The following TMEM108 variants were observed in gnomAD, a reference collection of about 807,000 sequenced individuals.
TMEM108 encodes the protein cancer/testis antigen 124.
Under a neutral mutation model 35.1 loss-of-function variants are expected in TMEM108, and 12 were observed. That is an observed-to-expected ratio of 0.34 (90% confidence interval 0.22 to 0.55). The LOEUF is 0.55. TMEM108 is among the 20% of genes least tolerant of loss of function. TMEM108 has a pLI of 0.89. For synonymous variants in TMEM108, 287 were observed against 308.6 expected (o/e 0.93, Z 0.73); for missense variants, 680 against 753.3 (o/e 0.90, Z 1.14).
intron 2 of TMEM108, among the ~76,000 whole-genome samples, chr3:133,061,362 C>T (rs1475784686): frequency 6.6e-6 from 1 of 152,086 alleles, no homozygotes; most frequent in Admixed American, 6.5e-5. Context: ...AGGCGCCCGC[C>T]ACCACACCCA....
chr3:133,135,362 ACTAACT>A (rs1321538788), intron 2 of TMEM108, among the ~76,000 whole-genome samples: 3 of 152,188 alleles, frequency 2.0e-5, no homozygotes, highest in East Asian at 3.8e-4. Flanking sequence ...GAGAGGGGAG[ACTAACT>A]CTAGAGAGTG....
At chr3:133,074,601 T>C (rs140141534) in intron 2 of TMEM108, among the ~76,000 whole-genome samples, 2,541 of 152,318 alleles carry the variant, frequency 0.017, 83 homozygotes, top group African/African-American at 0.058. Flanking sequence ...GCGATTCTCC[T>C]GCCTCAGCCT....
At chr3:133,144,290 A>C (rs969492046) in intron 2 of TMEM108, among the ~76,000 whole-genome samples, 2 of 152,264 alleles carry the variant, frequency 1.3e-5, no homozygotes, top group South Asian at 4.2e-4. Flanking sequence ...TGTCCCTGCA[A>C]AGGACATGAA....
chr3:133,231,546 C>T (rs1946153308), intron 3 of TMEM108, among the ~76,000 whole-genome samples: 1 of 152,068 alleles, frequency 6.6e-6, no homozygotes, highest in African/African-American at 2.4e-5. Context: ...CAGTATGAGG[C>T]TTGGGCAAGG....
intron 3 of TMEM108, among the ~76,000 whole-genome samples, chr3:133,265,370 A>G (rs1219027655): frequency 6.6e-6 from 1 of 152,172 alleles, no homozygotes. Context: ...GGTAGGCAGA[A>G]CACATACTTT....
At position 133,284,906 on chromosome 3, in the gene TMEM108, A is replaced by G. The variant is rs559267529; in HGVS notation, c.40+55555A>G. On this transcript the variant is annotated intron_variant, in intron 3 of 5. Coordinates refer to ENST00000321871, the MANE Select transcript of TMEM108 (RefSeq NM_023943.4). ...TGAATCACTACCTAAGGCTTATTCC[A>G]TGTTTCAAGTTTTTTGTTTTTTGTT... 2.4e-4 allele frequency among the ~76,000 whole-genome samples: 37 copies of G among 151,858 alleles called. No homozygotes were observed. The South Asian group carries it at 7.5e-3, about 31-fold the overall frequency.
At chr3:133,369,317 C>T (rs568659138) in intron 3 of TMEM108, among the ~76,000 whole-genome samples, 2 of 152,250 alleles carry the variant, frequency 1.3e-5, no homozygotes, top group African/African-American at 2.4e-5. Flanking sequence ...ACATCATCAC[C>T]GAGCAGGAAG....
intron 3 of TMEM108, among the ~76,000 whole-genome samples, chr3:133,331,331 G>A (rs1317156104): frequency 6.6e-6 from 1 of 152,120 alleles, no homozygotes; most frequent in East Asian, 1.9e-4. Flanking sequence ...TACACAGGAG[G>A]GAAATGATAT....
At chr3:133,282,646 A>C (rs1946930950) in intron 3 of TMEM108, among the ~76,000 whole-genome samples, 1 of 152,138 alleles carries the variant, frequency 6.6e-6, no homozygotes. Context: ...TTGTTTTGCT[A>C]TTGTGCTTCT....
At chr3:133,272,124 G>T (rs1332162014) in intron 3 of TMEM108, among the ~76,000 whole-genome samples, 1 of 152,094 alleles carries the variant, frequency 6.6e-6, no homozygotes, top group African/African-American at 2.4e-5. Flanking sequence ...TTGGATTCTC[G>T]TCAATAAGGC....
chr3:133,146,442 C>G (rs1327951591), intron 2 of TMEM108, among the ~76,000 whole-genome samples: 3 of 152,100 alleles, frequency 2.0e-5, no homozygotes, highest in Admixed American at 1.3e-4. Context: ...TGTAGTGTTT[C>G]CGACAGGTTT....
At chr3:133,263,479 A>G (rs77025343) in intron 3 of TMEM108, among the ~76,000 whole-genome samples, 1 of 152,118 alleles carries the variant, frequency 6.6e-6, no homozygotes, top group Non-Finnish European at 1.5e-5. Context: ...TTTTTCCCCA[A>G]ATCTGTGAAC....
chr3:133,327,562 G>A, intron 3 of TMEM108, among the ~76,000 whole-genome samples: 1 of 152,126 alleles, frequency 6.6e-6, no homozygotes, highest in Non-Finnish European at 1.5e-5. Flanking sequence ...CCTGAGGGCT[G>A]TTGCTTCTGT....
At chr3:133,277,409 A>G (rs1358571406) in intron 3 of TMEM108, among the ~76,000 whole-genome samples, 1 of 152,244 alleles carries the variant, frequency 6.6e-6, no homozygotes, top group African/African-American at 2.4e-5. Flanking sequence ...AGTTTATTAT[A>G]CTATTCTTGT....
intron 2 of TMEM108, among the ~76,000 whole-genome samples, chr3:133,138,542 G>A (rs996128004): frequency 6.6e-6 from 1 of 151,952 alleles, no homozygotes; most frequent in African/African-American, 2.4e-5. Context: ...TATTGTTAGT[G>A]TATTTTATGT....
chr3:133,087,389 C>T (rs1043890932), intron 2 of TMEM108, among the ~76,000 whole-genome samples: 9 of 152,206 alleles, frequency 5.9e-5, no homozygotes, highest in Non-Finnish European at 1.5e-5. Context: ...GCCTTATAAC[C>T]ATAGGCAATG....
intron 2 of TMEM108, among the ~76,000 whole-genome samples, chr3:133,181,472 C>T (rs549542910): frequency 6.6e-6 from 1 of 152,112 alleles, no homozygotes; most frequent in East Asian, 1.9e-4. Flanking sequence ...AGTTCTATGC[C>T]TTTTGAGGAC....
At chr3:133,131,413 A>T (rs1944488982) in intron 2 of TMEM108, among the ~76,000 whole-genome samples, 1 of 151,080 alleles carries the variant, frequency 6.6e-6, no homozygotes, top group African/African-American at 2.4e-5. Context: ...GCATGTGTTT[A>T]ATTCATGTCT....
chr3:133,237,117 G>A lies in TMEM108; in HGVS notation c.40+7766G>A, dbSNP rs112819291. Among the ~76,000 whole-genome samples the A allele has an allele frequency of 1.9e-3, 290 of 152,078 alleles. 2 individuals carry two copies. Among genetic ancestry groups the A allele is most frequent in the African/African-American group, 6.5e-3 (271 of 41,498 alleles). On this transcript the variant is annotated intron_variant, in intron 3 of 5. Coordinates refer to ENST00000321871, the MANE Select transcript of TMEM108 (RefSeq NM_023943.4). ...TTTGTCTGTGTCTCTCAGAGTCATG[G>A]GTCAGGAATCTGCATATTTCCCTTG...
Sources: gnomAD v4.1 joint callset for allele counts (sites outside exome capture counted in the v4.1 genomes callset) on GRCh38, gnomAD v4.1.1 for gene constraint, MANE v1.5 for transcripts, NCBI Gene and HGNC (gene_info 2026-07-23, HGNC 2026-07-21) for gene names.